Variants in PRKDC observed in about 807,000 individuals in gnomAD.
PRKDC encodes DNA-dependent protein kinase catalytic subunit.
In PRKDC, 82 loss-of-function variants were observed where a neutral mutation model predicts 486.9. The ratio of observed to expected loss-of-function variants is 0.17; its 90% CI spans 0.14 to 0.20. PRKDC has a LOEUF of 0.20. Among genes scored for constraint, PRKDC ranks in the 10% least tolerant of loss-of-function variants. PRKDC has a pLI of 1.00. For missense variants in PRKDC, 4,504 were observed against 5,038.2 expected (o/e 0.89, Z 3.21); for synonymous variants, 1,895 against 1,837.0 (o/e 1.03, Z -0.81).
chr8:47,931,980 TC>T (rs1304664598), intron 16 of PRKDC, among the ~76,000 whole-genome samples: 3 of 152,140 alleles, frequency 2.0e-5, no homozygotes, highest in Non-Finnish European at 4.4e-5. Context: ...AAGCTCCGCC[TC>T]CCGGGTTCAC....
intron 41 of PRKDC, among the ~76,000 whole-genome samples, chr8:47,863,954 G>A (rs2154500778): frequency 6.6e-6 from 1 of 152,260 alleles, no homozygotes; most frequent in Non-Finnish European, 1.5e-5. Flanking sequence ...GGATTCCGAG[G>A]GAGGCTGAGT....
At chr8:47,821,257 G>C (rs952910189) in intron 65 of PRKDC, among the ~76,000 whole-genome samples, 13 of 152,206 alleles carry the variant, frequency 8.5e-5, no homozygotes, top group African/African-American at 2.7e-4. Context: ...ATGGTGTGGA[G>C]AAAAGCGGAG....
chr8:47,946,020 C>G (rs1443883570), intron 7 of PRKDC, among the ~76,000 whole-genome samples: 3 of 151,950 alleles, frequency 2.0e-5, no homozygotes, highest in Admixed American at 2.0e-4. Flanking sequence ...CCACGCCCGG[C>G]CTACTTCTAC....
chr8:47,801,298 C>A (rs1468299740), intron 70 of PRKDC, among the ~76,000 whole-genome samples: 1 of 152,176 alleles, frequency 6.6e-6, no homozygotes, highest in Non-Finnish European at 1.5e-5. Flanking sequence ...TCTCGAACTC[C>A]TGAGCTCTAG....
chr8:47,918,155 A>G, intron 22 of PRKDC, 122 bp downstream of exon 22: 1 of 589,452 alleles, frequency 1.7e-6, no homozygotes, highest in Non-Finnish European at 2.7e-6. Context: ...TTATTTTTAT[A>G]TTGTACTCTA....
At chr8:47,858,190 C>A (rs571847158) in intron 48 of PRKDC, among the ~76,000 whole-genome samples, 6 of 151,750 alleles carry the variant, frequency 4.0e-5, no homozygotes, top group African/African-American at 1.5e-4. Context: ...CCCGCTCCAC[C>A]CCCCGCTTTT....
At chr8:47,801,175 G>A (rs1437851271) in intron 70 of PRKDC, among the ~76,000 whole-genome samples, 189 bp from the exon 71 acceptor site, 2 of 152,064 alleles carry the variant, frequency 1.3e-5, no homozygotes, top group Non-Finnish European at 2.9e-5. Context: ...AGGCTCAAGC[G>A]ATCCTCCCAC....
At chr8:47,815,475 A>G (rs1420034305) in intron 68 of PRKDC, among the ~76,000 whole-genome samples, 1 of 152,214 alleles carries the variant, frequency 6.6e-6, no homozygotes, top group African/African-American at 2.4e-5. Flanking sequence ...ACATTTCTAA[A>G]AGAAAACAGT....
chr8:47,896,646 CAAAAAAAA>C (rs142849899), intron 30 of PRKDC, among the ~76,000 whole-genome samples: 1 of 52,894 alleles, frequency 1.9e-5, no homozygotes, highest in Non-Finnish European at 3.9e-5. Flanking sequence ...GACTCCGTCT[CAAAAAAAA>C]AAAAAAAAAA....
At chr8:47,774,430 T>C in intron 85 of PRKDC, 53 bp from the exon 86 acceptor site, 1 of 1,536,100 alleles carries the variant, frequency 6.5e-7, no homozygotes, top group Non-Finnish European at 8.9e-7. Context: ...TGTCCTTTGT[T>C]GCCTGCATCC....
Position 47,793,026 on chromosome 8 carries a change from C to T in PRKDC, c.10670+1264G>A, listed in dbSNP as rs540011196. Among the ~76,000 whole-genome samples the T allele has an allele frequency of 2.0e-4, 31 of 152,306 alleles. 1 individual carries two copies. The South Asian group carries it at 3.9e-3, about 19-fold the overall frequency. On this transcript the variant is annotated intron_variant, in intron 74 of 85. Transcript: ENST00000314191. ...CCTCCTAAGTAGTTGGAAGTACAGTCACGCACCACCATGCTTAGCTTATTT... is the reference window on the plus strand; with the variant it reads ...CCTCCTAAGTAGTTGGAAGTACAGTTACGCACCACCATGCTTAGCTTATTT...
At chr8:47,853,374 C>T (rs937919595) in intron 51 of PRKDC, among the ~76,000 whole-genome samples, 4 of 152,212 alleles carry the variant, frequency 2.6e-5, no homozygotes, top group Non-Finnish European at 4.4e-5. Context: ...ACTGGTCCGA[C>T]GGTGCTGGGG....
chr8:47,945,030 G>A (rs1247924934), intron 7 of PRKDC, among the ~76,000 whole-genome samples: 1 of 152,188 alleles, frequency 6.6e-6, no homozygotes, highest in Non-Finnish European at 1.5e-5. Flanking sequence ...TGAAAGAATA[G>A]GTACTAGTTG....
intron 74 of PRKDC, among the ~76,000 whole-genome samples, chr8:47,791,149 A>G (rs1174524417): frequency 6.6e-6 from 1 of 152,140 alleles, no homozygotes; most frequent in South Asian, 2.1e-4. Context: ...ATGGGAGAAA[A>G]CATTTGCAAA....
At chr8:47,904,351 T>C (rs118057799) in intron 26 of PRKDC, among the ~76,000 whole-genome samples, 2 of 152,306 alleles carry the variant, frequency 1.3e-5, no homozygotes, top group East Asian at 3.9e-4. Flanking sequence ...GTCTCCCAGG[T>C]TGAAGCAATT....
intron 68 of PRKDC, among the ~76,000 whole-genome samples, chr8:47,810,850 T>C (rs535227195): frequency 6.6e-6 from 1 of 152,188 alleles, no homozygotes; most frequent in East Asian, 1.9e-4. Flanking sequence ...AACAGTAAGA[T>C]TGAAGACAAA....
At chr8:47,781,100 G>A (rs1421042899) in intron 80 of PRKDC, among the ~76,000 whole-genome samples, 3 of 152,116 alleles carry the variant, frequency 2.0e-5, no homozygotes, top group Non-Finnish European at 4.4e-5. Flanking sequence ...AATCCTGTGC[G>A]GTTCCACGCT....
At chr8:47,778,289 C>A (rs2086640476) in intron 83 of PRKDC, among the ~76,000 whole-genome samples, 170 bp downstream of exon 83, 1 of 152,198 alleles carries the variant, frequency 6.6e-6, no homozygotes, top group Non-Finnish European at 1.5e-5. Context: ...TGTGACCTGA[C>A]TGAATGAGGC....
intron 40 of PRKDC, among the ~76,000 whole-genome samples, chr8:47,866,561 A>C (rs2088821996): frequency 6.6e-6 from 1 of 152,242 alleles, no homozygotes; most frequent in Non-Finnish European, 1.5e-5. Context: ...CAGATGATTT[A>C]CTGAAAAATG....
Sources: allele counts gnomAD v4.1 joint callset (sites outside exome capture counted in the v4.1 genomes callset), GRCh38; gene constraint gnomAD v4.1.1; transcripts MANE v1.5; gene names NCBI Gene and HGNC (gene_info 2026-07-23, HGNC 2026-07-21).